Variants in PRKCZ observed in about 807,000 individuals in gnomAD.
PRKCZ encodes protein kinase C zeta type.
In PRKCZ, 33 loss-of-function variants were observed where a neutral mutation model predicts 79.5. That is an observed-to-expected ratio of 0.41 (90% CI 0.31 to 0.55). The LOEUF is 0.55. Ranked by LOEUF, PRKCZ falls within the 20% of genes least tolerant of loss-of-function variation. PRKCZ has a pLI of 0.19. For synonymous variants in PRKCZ, 342 were observed against 320.9 expected (o/e 1.07, Z -0.70); for missense variants, 578 against 813.5 (o/e 0.71, Z 3.52).
At chr1:2,078,332 A>T (rs1029855982) in intron 4 of PRKCZ, among the ~76,000 whole-genome samples, 6 of 152,192 alleles carry the variant, frequency 3.9e-5, no homozygotes, top group Admixed American at 3.9e-4. Context: ...ACACTTAAGG[A>T]TAGTTTAGCT....
At chr1:2,071,093 A>AG (rs1571156895) in intron 4 of PRKCZ, among the ~76,000 whole-genome samples, 1 of 121,852 alleles carries the variant, frequency 8.2e-6, no homozygotes, top group Non-Finnish European at 1.7e-5. Flanking sequence ...CCGATTGCTC[A>AG]GGGGGGCGCC....
chr1:2,086,132 G>C (rs1045235214), intron 4 of PRKCZ, among the ~76,000 whole-genome samples: 9 of 150,398 alleles, frequency 6.0e-5, no homozygotes, highest in African/African-American at 2.2e-4. Flanking sequence ...TGCAATCTTG[G>C]CTCACTGCAA....
rs1185146573 is a variant in PRKCZ, at chr1:2,082,497, G to GT, written c.334+22910dup. On this transcript the variant is annotated intron_variant, in intron 4 of 17. Coordinates refer to ENST00000378567, the MANE Select transcript of PRKCZ (RefSeq NM_002744.6). The surrounding 1 kb of genome is among the most constrained non-coding windows in gnomAD (Gnocchi z 4.4). ...ATCACGTCCGCGTTCCTAGCGACCG[G>GT]TTTTGTGATGTGGGCAGTGCCGTGC... is the stretch of plus-strand genomic sequence containing the variant. 1 of 443,302 alleles carries GT rather than the reference G, an allele frequency of 2.3e-6. No homozygotes were observed. The highest frequency in any genetic ancestry group is 2.0e-5 in the African/African-American group (1 of 49,820). The allele number at this position is 443,302 out of a possible 1,614,324, so 27.5% of individuals were successfully genotyped here. A position where few individuals can be genotyped will look rare whatever the true frequency, so the allele number is the denominator to read the frequency against.
intron 6 of PRKCZ, chr1:2,145,351 GC>G (rs1678282463): frequency 6.6e-6 from 1 of 152,108 alleles, no homozygotes; most frequent in Non-Finnish European, 1.5e-5. Flanking sequence ...GAACCCAGAG[GC>G]CCTTAGAATG....
chr1:2,115,394 CAG>C (rs1232099017), intron 4 of PRKCZ, among the ~76,000 whole-genome samples: 2 of 152,254 alleles, frequency 1.3e-5, no homozygotes, highest in Non-Finnish European at 2.9e-5. Context: ...TTCCGGGAAA[CAG>C]ACGTTTCCCT....
intron 4 of PRKCZ, among the ~76,000 whole-genome samples, chr1:2,091,431 G>T (rs937999174): frequency 6.6e-6 from 1 of 152,186 alleles, no homozygotes; most frequent in African/African-American, 2.4e-5. Flanking sequence ...AATTCATGCT[G>T]CACAGCCAAT....
chr1:2,105,195 C>T (rs1238642973), intron 4 of PRKCZ, among the ~76,000 whole-genome samples: 2 of 152,210 alleles, frequency 1.3e-5, no homozygotes, highest in Non-Finnish European at 2.9e-5. Flanking sequence ...CGTCAGGAGA[C>T]AGCTCTTGCG....
intron 10 of PRKCZ, among the ~76,000 whole-genome samples, chr1:2,167,649 G>C (rs1484907204): frequency 6.6e-6 from 1 of 152,160 alleles, no homozygotes; most frequent in Non-Finnish European, 1.5e-5. Context: ...TGTCGCCCAG[G>C]CTGGAGTGCA....
intron 10 of PRKCZ, 53 bp from the exon 11 acceptor site, chr1:2,169,465 G>A (rs72925872): frequency 6.7e-7 from 1 of 1,491,954 alleles, no homozygotes; most frequent in Admixed American, 2.0e-5. Flanking sequence ...TCTGTCTAAG[G>A]AGGCCGCCGT....
chr1:2,184,941 G>C lies in PRKCZ; in HGVS notation c.1711G>C (p.Asp571His), dbSNP rs138081046. Residue 571 changes from aspartate to histidine, a missense_variant, in exon 18 of 18, where the codon GAC becomes CAC. Asp to His is a moderately conservative substitution (Grantham distance 81). Around this residue, in one of 4 missense-constraint regions of PRKCZ, gnomAD observed 243 missense variants for 467.0 expected, o/e 0.52. Coordinates refer to ENST00000378567, the MANE Select transcript of PRKCZ (RefSeq NM_002744.6). ...CCACAGGGATGCCATAAAGAGGATC[G>C]ACCAGTCAGAGTTCGAAGGCTTTGA... The part of the protein sequence containing the change: ...PDDEDAIKRI[D>H]QSEFEGFEYI... The C allele has an allele frequency of 2.5e-6, 4 of 1,613,862 alleles. No individual in the cohort carries two copies. Among genetic ancestry groups the C allele is most frequent in the Non-Finnish European group, 3.4e-6 (4 of 1,179,966 alleles).
At chr1:2,117,376 T>G (rs1412114920) in intron 4 of PRKCZ, among the ~76,000 whole-genome samples, 2 of 152,192 alleles carry the variant, frequency 1.3e-5, no homozygotes, top group African/African-American at 2.4e-5. Flanking sequence ...AGTTTTTTTT[T>G]TTTTATCTTT....
Position 2,172,485 on chromosome 1 carries a change from T to A in PRKCZ, c.1285+97T>A, listed in dbSNP as rs535422867. The A allele has an allele frequency of 1.5e-4, 196 of 1,301,732 alleles. 1 individual carries two copies. The Middle Eastern group carries it at 3.1e-3, about 21-fold the overall frequency. The allele number at this position is 1,301,732 out of a possible 1,614,324, so 80.6% of individuals were successfully genotyped here. A position where few individuals can be genotyped will look rare whatever the true frequency, so the allele number is the denominator to read the frequency against. On this transcript the variant is annotated intron_variant, in intron 13 of 17. Transcript: ENST00000378567. The surrounding 1 kb of genome is among the most constrained non-coding windows in gnomAD (Gnocchi z 7.8). Reference sequence around the variant, plus strand: ...CAGGGAGAGGTGTCCTTGACCATCTTACACCCAAAAGCCACACACTGTCTT... The same window carrying A: ...CAGGGAGAGGTGTCCTTGACCATCTAACACCCAAAAGCCACACACTGTCTT...
At chr1:2,096,476 T>A (rs1196149365) in intron 4 of PRKCZ, among the ~76,000 whole-genome samples, 1 of 151,940 alleles carries the variant, frequency 6.6e-6, no homozygotes, top group African/African-American at 2.4e-5. Flanking sequence ...TTGTACGGAC[T>A]TCGTGAGGAT....
chr1:2,140,326 A>T (rs364677), intron 5 of PRKCZ, among the ~76,000 whole-genome samples: 1 of 152,044 alleles, frequency 6.6e-6, no homozygotes, highest in Admixed American at 6.5e-5. Context: ...TAAGGGTGTG[A>T]CAGGTCTAAA....
At chr1:2,148,270 A>G (rs917009227) in intron 7 of PRKCZ, among the ~76,000 whole-genome samples, 1 of 149,000 alleles carries the variant, frequency 6.7e-6, no homozygotes, top group Non-Finnish European at 1.5e-5. Context: ...CTCTCCATCT[A>G]TCCATCTATT....
chr1:2,134,447 T>G (rs1048911153), intron 4 of PRKCZ, among the ~76,000 whole-genome samples: 3 of 152,232 alleles, frequency 2.0e-5, no homozygotes, highest in African/African-American at 7.2e-5. Flanking sequence ...AGATTCTGTT[T>G]ACACACACAT....
At position 2,180,823 on chromosome 1, in the gene PRKCZ, G is replaced by A. The variant is rs1159057920; in HGVS notation, c.1576-3760G>A. On this transcript the variant is annotated intron_variant, in intron 16 of 17. Coordinates refer to ENST00000378567, the MANE Select transcript of PRKCZ (RefSeq NM_002744.6). ...CTGCCCCCAGGGCACTACCTCCTGG[G>A]CCCAGCCCTGCATCCGGTGGCAGGG... 3.9e-5 allele frequency among the ~76,000 whole-genome samples: 6 copies of A among 152,216 alleles called. No individual in the cohort carries two copies. In the South Asian group the frequency reaches 1.0e-3, roughly 26 times the overall value.
intron 11 of PRKCZ, 54 bp downstream of exon 11, chr1:2,169,658 G>C (rs1180198889): frequency 7.3e-7 from 1 of 1,363,776 alleles, no homozygotes; most frequent in Non-Finnish European, 9.8e-7. Context: ...GGGATGGGTG[G>C]GTGCGTGCGG....
intron 16 of PRKCZ, chr1:2,181,747 G>A (rs1686657654): frequency 1.3e-5 from 6 of 451,806 alleles, no homozygotes; most frequent in Non-Finnish European, 2.7e-5. Flanking sequence ...CACCCCTGCT[G>A]CTTATTAAAC....
Sources: allele counts gnomAD v4.1 joint callset (sites outside exome capture counted in the v4.1 genomes callset), GRCh38; gene constraint gnomAD v4.1.1; regional missense constraint gnomAD v4.1.1; non-coding constraint Gnocchi (gnomAD v3.1); transcripts MANE v1.5; gene names NCBI Gene and HGNC (gene_info 2026-07-23, HGNC 2026-07-21).